The following METTL13 variants were observed in gnomAD, a reference collection of about 807,000 sequenced individuals.
METTL13 encodes the protein eEF1A lysine and N-terminal methyltransferase.
METTL13 carries 52 observed loss-of-function variants against 67.4 expected under a neutral mutation model. The observed-to-expected ratio is 0.77, with a 90% CI of 0.62 to 0.97. The LOEUF is 0.97. Among genes scored for constraint, METTL13 ranks in the 50% least tolerant of loss-of-function variants. The pLI is 0.00. For missense variants in METTL13, 825 were observed against 889.6 expected, an observed-to-expected ratio of 0.93 and a Z score of 0.92; for synonymous variants, 354 against 353.6, an observed-to-expected ratio of 1.00 and a Z score of -0.01.
intron 3 of METTL13, 97 bp downstream of exon 3, chr1:171,786,175 G>C: frequency 5.5e-6 from 7 of 1,278,032 alleles, no homozygotes; most frequent in South Asian, 1.5e-5. Context: ...ACTAGAGTCT[G>C]TGACTCTTCA....
intron 4 of METTL13, among the ~76,000 whole-genome samples, chr1:171,788,293 C>T (rs1657092682): frequency 6.6e-6 from 1 of 152,194 alleles, no homozygotes; most frequent in Non-Finnish European, 1.5e-5. Flanking sequence ...TAGTGTGACT[C>T]ACCTGTTTCA....
At chr1:171,782,194 G>A (rs1466958209) in intron 1 of METTL13, 74 bp downstream of exon 1, 3 of 1,318,566 alleles carry the variant, frequency 2.3e-6, no homozygotes, top group Non-Finnish European at 3.3e-6. Context: ...TCTTGCACTT[G>A]GTGGACAGTG....
intron 6 of METTL13, 31 bp downstream of exon 6, chr1:171,792,266 T>G (rs1158533753): frequency 1.9e-6 from 3 of 1,611,026 alleles, no homozygotes; most frequent in African/African-American, 1.3e-5. Flanking sequence ...GAAGGGGTGT[T>G]GAGGGATGAT....
At position 171,788,524 on chromosome 1, in the gene METTL13, G is replaced by A. The variant is rs185074067; in HGVS notation, c.1309+594G>A. On this transcript the variant is annotated intron_variant, in intron 4 of 7. Coordinates refer to ENST00000361735, the MANE Select transcript of METTL13 (RefSeq NM_015935.5). ...TTACATTTATATTTCAACAGCCATAGGGGGCTAGTGGCTAGTATTGGACAG... is the reference window on the plus strand; with the variant it reads ...TTACATTTATATTTCAACAGCCATAAGGGGCTAGTGGCTAGTATTGGACAG... 2.6e-5 allele frequency among the ~76,000 whole-genome samples: 4 copies of A among 152,254 alleles called. No homozygotes were observed. In the East Asian group the frequency reaches 7.7e-4, roughly 29 times the overall value.
chr1:171,787,054 C>A (rs909887009), intron 3 of METTL13, among the ~76,000 whole-genome samples: 1 of 152,102 alleles, frequency 6.6e-6, no homozygotes, highest in Admixed American at 6.5e-5. Context: ...TCCTGGCCAA[C>A]TTTGGGGTTG....
intron 3 of METTL13, 152 bp downstream of exon 3, chr1:171,786,230 G>A: frequency 1.1e-6 from 1 of 873,908 alleles, no homozygotes; most frequent in South Asian, 1.9e-5. Context: ...AAATGGCAGG[G>A]AAACTGTCCT....
chr1:171,782,929 G>A (rs1571162406), intron 1 of METTL13, among the ~76,000 whole-genome samples: 1 of 152,180 alleles, frequency 6.6e-6, no homozygotes, highest in East Asian at 1.9e-4. Flanking sequence ...CATTTGTGGG[G>A]AAGCTTTATG....
Position 171,796,700 on chromosome 1 carries a change from G to A in METTL13, c.2044G>A (p.Gly682Ser). 1.9e-6 allele frequency: 3 copies of A among 1,614,198 alleles called. No individual in the cohort carries two copies. The highest frequency in any genetic ancestry group is 2.5e-6 in the Non-Finnish European group (3 of 1,180,038). ...GCGGACCCTGAGGAAGCCTGGGAGG[G>A]GTTGGGATGACACGTATGTCTTGTC... Reference protein sequence around the residue: ...LERTLRKPGRGWDDTYVLSDM... With the variant: ...LERTLRKPGRSWDDTYVLSDM... The change falls in exon 8 of 8, where the codon GGT (glycine) becomes AGT (serine). Residue 682 changes from glycine to serine, a missense_variant. Physicochemically the swap from Gly to Ser is moderately conservative, Grantham distance 56 (BLOSUM62 0). Transcript: ENST00000361735.
At chr1:171,796,011 C>T (rs531392700) in intron 7 of METTL13, among the ~76,000 whole-genome samples, 2 of 152,108 alleles carry the variant, frequency 1.3e-5, no homozygotes, top group Non-Finnish European at 2.9e-5. Context: ...GGATTACAGG[C>T]GTCCACCACC....
intron 5 of METTL13, chr1:171,790,841 A>G: frequency 2.5e-6 from 1 of 398,746 alleles, no homozygotes; most frequent in African/African-American, 2.1e-5. Context: ...TCTAAGTGGT[A>G]TTTTTTCTGT....
Sources: gnomAD v4.1 joint callset for allele counts (sites outside exome capture counted in the v4.1 genomes callset) on GRCh38, gnomAD v4.1.1 for gene constraint, MANE v1.5 for transcripts, NCBI Gene and HGNC (gene_info 2026-07-23, HGNC 2026-07-21) for gene names.